TTC13: variants seen among roughly 807,000 people sequenced by gnomAD.
TTC13 encodes tetratricopeptide repeat protein 13.
A neutral mutation model predicts 120.0 loss-of-function variants in TTC13; 62 were observed. That is an observed-to-expected ratio of 0.52 (90% CI 0.42 to 0.64). TTC13 has a LOEUF of 0.64. Ranked by LOEUF, TTC13 falls within the 30% of genes least tolerant of loss-of-function variation. TTC13 has a pLI of 0.00. For synonymous variants in TTC13, 384 were observed against 393.5 expected, an observed-to-expected ratio of 0.98 and a Z score of 0.28; for missense variants, 824 against 1,050.2, an observed-to-expected ratio of 0.78 and a Z score of 2.98.
chr1:230,948,769 C>A (rs1675252542), intron 4 of TTC13, among the ~76,000 whole-genome samples: 1 of 152,110 alleles, frequency 6.6e-6, no homozygotes, highest in South Asian at 2.1e-4. Context: ...GGGTTACAGG[C>A]GTGAGCCACC....
chr1:230,921,090 T>C (rs1407346495), intron 16 of TTC13, among the ~76,000 whole-genome samples: 1 of 152,200 alleles, frequency 6.6e-6, no homozygotes, highest in African/African-American at 2.4e-5. Flanking sequence ...GTTTTGTCTA[T>C]CCCATCCTGC....
At chr1:230,920,746 G>T in intron 16 of TTC13, 152 bp from the exon 17 acceptor site, 1 of 481,296 alleles carries the variant, frequency 2.1e-6, no homozygotes, top group Non-Finnish European at 3.6e-6. Context: ...TCCAAATAAC[G>T]GGATAGTTCA....
In TTC13 at chr1:230,907,070, A is replaced by T. The variant is rs779408936; in HGVS notation, c.2469-51T>A. On this transcript the variant is annotated intron_variant, in intron 22 of 22. Coordinates refer to ENST00000366661, the MANE Select transcript of TTC13 (RefSeq NM_024525.5). ...GGCATGAAAATTAACAAAATTTGCA[A>T]AAAAAGGGCAGAGCTTATATTTATT... 9.2e-6 allele frequency: 7 copies of T among 760,610 alleles called. No individual in the cohort carries two copies. In the South Asian group the frequency reaches 1.5e-4, roughly 16 times the overall value. The allele number at this position is 760,610 out of a possible 1,614,324, so 47.1% of individuals were successfully genotyped here. A position where few individuals can be genotyped will look rare whatever the true frequency, so the allele number is the denominator to read the frequency against.
chr1:230,963,594 C>T (rs1330267401), intron 1 of TTC13, among the ~76,000 whole-genome samples: 1 of 151,588 alleles, frequency 6.6e-6, no homozygotes, highest in Non-Finnish European at 1.5e-5. Context: ...ATGATCATAC[C>T]ACTGCACTCC....
At chr1:230,913,023 A>T (rs962931982) in intron 18 of TTC13, among the ~76,000 whole-genome samples, 5 of 152,236 alleles carry the variant, frequency 3.3e-5, no homozygotes, top group Admixed American at 6.5e-5. Flanking sequence ...CTTATTACAC[A>T]AACTTAAGCT....
Position 230,939,513 on chromosome 1 carries a change from G to A in TTC13, c.790-17C>T. On this transcript the variant is annotated splice_polypyrimidine_tract_variant and intron_variant, in intron 7 of 22. Transcript: ENST00000366661. ...TGCATAGTCCTACAAAAAGGAGAGT[G>A]GGGGGAAAAATAAAATAGTATTCAT... is the stretch of plus-strand genomic sequence containing the variant. The A allele has an allele frequency of 6.6e-7, 1 of 1,523,986 alleles. No individual in the cohort carries two copies. 94.4% of individuals were successfully genotyped at this position (1,523,986 alleles called of 1,614,324 possible).
chr1:230,977,757 TA>T (rs1257327913), intron 1 of TTC13, among the ~76,000 whole-genome samples: 2 of 151,906 alleles, frequency 1.3e-5, no homozygotes, highest in Non-Finnish European at 1.5e-5. Context: ...GATTGATGGG[TA>T]AAAAGACCCA....
intron 1 of TTC13, among the ~76,000 whole-genome samples, chr1:230,967,816 C>T (rs569156080): frequency 6.6e-6 from 1 of 152,110 alleles, no homozygotes; most frequent in East Asian, 1.9e-4. Context: ...AATTACAGCC[C>T]AACCAGCTGT....
At chr1:230,917,351 G>A (rs1672130962) in intron 17 of TTC13, among the ~76,000 whole-genome samples, 1 of 152,176 alleles carries the variant, frequency 6.6e-6, no homozygotes, top group South Asian at 2.1e-4. Flanking sequence ...CAGGGAAGCC[G>A]CAGAGTGGGA....
chr1:230,957,571 C>T (rs1042724929), intron 3 of TTC13, among the ~76,000 whole-genome samples: 3 of 152,148 alleles, frequency 2.0e-5, no homozygotes, highest in Non-Finnish European at 4.4e-5. Flanking sequence ...GGGCCCCATG[C>T]GAAAACATGT....
In TTC13 at chr1:230,978,136, C is replaced by A. The variant is rs1678540698; in HGVS notation, c.271+424G>T. On this transcript the variant is annotated intron_variant, in intron 1 of 22. Transcript: ENST00000366661. The surrounding 1 kb of genome is among the most constrained non-coding windows in gnomAD (Gnocchi z 5.6). The stretch of plus-strand genomic sequence containing the variant: ...CTAAGATGTGCCAGGCGTCTCCCTC[C>A]GGGGGCGGGCTCCGCAAGCCGCCGG... 6.6e-6 allele frequency among the ~76,000 whole-genome samples: 1 copy of A among 152,214 alleles called. No homozygotes were observed. Among genetic ancestry groups the A allele is most frequent in the African/African-American group, 2.4e-5 (1 of 41,456 alleles).
chr1:230,937,747 A>G (rs1053299572), intron 8 of TTC13, among the ~76,000 whole-genome samples: 10 of 152,240 alleles, frequency 6.6e-5, no homozygotes, highest in Non-Finnish European at 1.0e-4. Flanking sequence ...ATAATCTATA[A>G]TAATTAATAT....
At chr1:230,922,620 C>T (rs1344591620) in intron 15 of TTC13, among the ~76,000 whole-genome samples, 2 of 152,144 alleles carry the variant, frequency 1.3e-5, no homozygotes, top group Non-Finnish European at 2.9e-5. Flanking sequence ...GAGTTAGTCA[C>T]AGTTTCCTGA....
chr1:230,957,180 T>G (rs1179526245), intron 3 of TTC13, among the ~76,000 whole-genome samples: 2 of 152,170 alleles, frequency 1.3e-5, no homozygotes, highest in Non-Finnish European at 2.9e-5. Context: ...ATTAGCATTT[T>G]CAAAATAGCA....
chr1:230,906,872 C>T lies in TTC13; in HGVS notation c.*33G>A, dbSNP rs142370883. 8.0e-5 allele frequency: 87 copies of T among 1,092,374 alleles called. No homozygotes were observed. The East Asian group carries it at 1.9e-3, about 24-fold the overall frequency. 67.7% of individuals were successfully genotyped at this position (1,092,374 alleles called of 1,614,324 possible). A position where few individuals can be genotyped will look rare whatever the true frequency, so the allele number is the denominator to read the frequency against. ...AAAATAACTTAAGAAGCAAGAGGTC[C>T]GGCCCTTTACTTGTATAAATACAGC... On this transcript the variant is annotated 3_prime_UTR_variant, in exon 23 of 23. Coordinates refer to ENST00000366661, the MANE Select transcript of TTC13 (RefSeq NM_024525.5).
At position 230,978,815 on chromosome 1, in the gene TTC13, A is replaced by G. The variant is rs1003233326; in HGVS notation, c.16T>C (p.Cys6Arg). ...CCCCAGAAGCAGCAGCAGCAGCAGC[A>G]GCCGGCAGGTGCCATCTTCCCTCAA... MAPAG[C>R]CCCCCFWGGA... Residue 6 changes from cysteine (C) to arginine (R), a missense_variant, in exon 1 of 23, where the codon TGC (cysteine) becomes CGC (arginine). Transcript: ENST00000366661. The surrounding 1 kb of genome is among the most constrained non-coding windows in gnomAD (Gnocchi z 5.6). 4 of 1,485,942 alleles carry G rather than the reference A, an allele frequency of 2.7e-6. No individual in the cohort carries two copies. Among genetic ancestry groups the G allele is most frequent in the African/African-American group, 1.5e-5 (1 of 68,360 alleles). 92.0% of individuals were successfully genotyped at this position (1,485,942 alleles called of 1,614,324 possible). A position where few individuals can be genotyped will look rare whatever the true frequency, so the allele number is the denominator to read the frequency against.
At position 230,938,207 on chromosome 1, in the gene TTC13, C is replaced by T. The variant is rs116388097; in HGVS notation, c.900+1179G>A. ...TTGTTAAGTACCACCTTCTGGGGCT[C>T]CTGTCAGAATGAATTGCTTTTTGGC... On this transcript the variant is annotated intron_variant, in intron 8 of 22. Transcript: ENST00000366661. Among the ~76,000 whole-genome samples the T allele has an allele frequency of 2.7e-3, 406 of 152,356 alleles. 2 individuals are homozygous for T. The highest frequency in any genetic ancestry group is 9.2e-3 in the African/African-American group (384 of 41,588).
chr1:230,959,226 C>T (rs988766708), intron 2 of TTC13, among the ~76,000 whole-genome samples: 13 of 151,994 alleles, frequency 8.6e-5, no homozygotes, highest in African/African-American at 3.1e-4. Flanking sequence ...AGCCTTTCTG[C>T]AAAAAGATAT....
chr1:230,973,767 C>T (rs565215159), intron 1 of TTC13, among the ~76,000 whole-genome samples: 1 of 152,230 alleles, frequency 6.6e-6, no homozygotes, highest in East Asian at 1.9e-4. Flanking sequence ...GAAAGAGATG[C>T]AGTTTAGCTT....
Sources: gnomAD v4.1 joint callset for allele counts (sites outside exome capture counted in the v4.1 genomes callset) on GRCh38, gnomAD v4.1.1 for gene constraint, Gnocchi (gnomAD v3.1) non-coding constraint, MANE v1.5 for transcripts, NCBI Gene and HGNC (gene_info 2026-07-23, HGNC 2026-07-21) for gene names.